OSBPL10: variants seen among roughly 807,000 people sequenced by gnomAD.
OSBPL10 encodes oxysterol binding protein like 10, also known as oxysterol-binding protein-related protein 10.
Under a neutral mutation model 81.7 loss-of-function variants are expected in OSBPL10, and 49 were observed. The observed-to-expected ratio is 0.60, with a 90% CI of 0.48 to 0.76. OSBPL10 has a LOEUF of 0.76. Among genes scored for constraint, OSBPL10 ranks in the 30% least tolerant of loss-of-function variants. The pLI is 0.00. For synonymous variants in OSBPL10, 419 were observed against 383.6 expected, an observed-to-expected ratio of 1.09 and a Z score of -1.08; for missense variants, 923 against 987.8, an observed-to-expected ratio of 0.93 and a Z score of 0.88.
intron 4 of OSBPL10, among the ~76,000 whole-genome samples, chr3:31,782,424 C>T (rs1559462572): frequency 6.6e-6 from 1 of 152,070 alleles, no homozygotes; most frequent in Admixed American, 6.6e-5. Context: ...GCAACAACAA[C>T]AAAAAGATAA....
intron 3 of OSBPL10, among the ~76,000 whole-genome samples, chr3:31,869,039 G>A (rs981986299): frequency 7.2e-5 from 11 of 152,204 alleles, no homozygotes; most frequent in Non-Finnish European, 7.3e-5. Context: ...CACCAAAGGT[G>A]GTCAGGAGTC....
At chr3:31,708,905 C>T in intron 6 of OSBPL10, 1 of 985,384 alleles carries the variant, frequency 1.0e-6, no homozygotes, top group Non-Finnish European at 1.2e-6. Context: ...CAGCTGGTGT[C>T]TGGTATAGCT....
At chr3:31,904,655 C>G (rs77049135) in intron 1 of OSBPL10, among the ~76,000 whole-genome samples, 1 of 152,178 alleles carries the variant, frequency 6.6e-6, no homozygotes, top group Non-Finnish European at 1.5e-5. Flanking sequence ...TAGGGTGACT[C>G]TGGGGCCACA....
chr3:31,754,409 G>A (rs1167108553), intron 4 of OSBPL10, among the ~76,000 whole-genome samples: 3 of 152,140 alleles, frequency 2.0e-5, no homozygotes, highest in Non-Finnish European at 4.4e-5. Context: ...GGAAGGAAGA[G>A]GGATCCAGCT....
intron 8 of OSBPL10, among the ~76,000 whole-genome samples, chr3:31,679,761 A>C (rs1700588167): frequency 6.6e-6 from 1 of 152,192 alleles, no homozygotes; most frequent in African/African-American, 2.4e-5. Context: ...ATTTTTTACC[A>C]ATATAAACCT....
chr3:31,871,989 A>G (rs994756311), intron 3 of OSBPL10, among the ~76,000 whole-genome samples: 1 of 152,242 alleles, frequency 6.6e-6, no homozygotes, highest in African/African-American at 2.4e-5. Flanking sequence ...CTCTCTCTCA[A>G]CACTTTCTCC....
At chr3:32,045,518 A>G (rs963931042) in intron 2 of OSBPL10, among the ~76,000 whole-genome samples, 1 of 152,230 alleles carries the variant, frequency 6.6e-6, no homozygotes, top group Non-Finnish European at 1.5e-5. Flanking sequence ...AGGAAATGAG[A>G]CAGGGTCGAT....
At chr3:32,046,171 G>A (rs368262923) in intron 2 of OSBPL10, among the ~76,000 whole-genome samples, 3 of 152,218 alleles carry the variant, frequency 2.0e-5, no homozygotes, top group Admixed American at 6.5e-5. Context: ...GGAGTTCAAG[G>A]TTGCACTGAG....
intron 1 of OSBPL10, among the ~76,000 whole-genome samples, chr3:31,904,225 C>T (rs1475702898): frequency 6.6e-6 from 1 of 152,130 alleles, no homozygotes; most frequent in African/African-American, 2.4e-5. Context: ...ACCTTTCCCA[C>T]GCATGAGATC....
intron 4 of OSBPL10, among the ~76,000 whole-genome samples, chr3:31,786,434 A>T (rs1162683000): frequency 6.6e-6 from 1 of 152,186 alleles, no homozygotes; most frequent in African/African-American, 2.4e-5. Context: ...AGACAGTAGA[A>T]ATTTACTTTC....
chr3:31,956,388 A>G (rs192428256), intron 1 of OSBPL10, among the ~76,000 whole-genome samples: 4 of 152,248 alleles, frequency 2.6e-5, no homozygotes, highest in Non-Finnish European at 2.9e-5. Flanking sequence ...AGCTTTCCAA[A>G]TGTTCCAGGT....
intron 7 of OSBPL10, among the ~76,000 whole-genome samples, chr3:31,692,419 T>A (rs1250411230): frequency 6.6e-6 from 1 of 152,126 alleles, no homozygotes; most frequent in African/African-American, 2.4e-5. Flanking sequence ...ATCAGTAACC[T>A]CATTTGGAGA....
At chr3:32,055,130 A>G (rs1699698384) in intron 1 of OSBPL10, among the ~76,000 whole-genome samples, 1 of 151,868 alleles carries the variant, frequency 6.6e-6, no homozygotes, top group Non-Finnish European at 1.5e-5. Flanking sequence ...TTTTTGCTTA[A>G]AACTTTGCTG....
rs190737085 is a variant in OSBPL10, at chr3:31,717,313, A to C, written c.1096-14805T>G. The stretch of plus-strand genomic sequence containing the variant: ...TGGATCATTATCTTCTGACTCTCAA[A>C]CCAGTGATTTGGTACCACAAGCAGA... On this transcript the variant is annotated intron_variant, in intron 6 of 11. Coordinates refer to ENST00000396556, the MANE Select transcript of OSBPL10 (RefSeq NM_017784.5). 1.8e-4 allele frequency: 28 copies of C among 152,220 alleles called. No homozygotes were observed. In the East Asian group the frequency reaches 5.4e-3, roughly 29 times the overall value. 9.4% of individuals were successfully genotyped at this position (152,220 alleles called of 1,614,324 possible).
At chr3:31,874,687 A>G (rs927946289) in intron 3 of OSBPL10, among the ~76,000 whole-genome samples, 1 of 152,198 alleles carries the variant, frequency 6.6e-6, no homozygotes, top group African/African-American at 2.4e-5. Flanking sequence ...TGTGAGAATG[A>G]AGAAACCTGA....
chr3:31,736,364 T>C (rs1337661079), intron 5 of OSBPL10, among the ~76,000 whole-genome samples: 1 of 152,178 alleles, frequency 6.6e-6, no homozygotes, highest in Non-Finnish European at 1.5e-5. Flanking sequence ...ATGTTATTTT[T>C]TAAAAGGTAA....
chr3:31,805,932 CTT>C (rs913922500), intron 4 of OSBPL10, among the ~76,000 whole-genome samples: 1 of 152,178 alleles, frequency 6.6e-6, no homozygotes, highest in African/African-American at 2.4e-5. Context: ...AAGCTCTACA[CTT>C]GTCTTTCTCT....
intron 1 of OSBPL10, among the ~76,000 whole-genome samples, chr3:31,966,567 C>T (rs538284949): frequency 2.3e-4 from 35 of 151,678 alleles, no homozygotes; most frequent in African/African-American, 6.5e-4. Context: ...AAAAGAAACA[C>T]GAACAAGTTA....
chr3:31,767,470 C>T (rs1470208733), intron 4 of OSBPL10, among the ~76,000 whole-genome samples: 1 of 152,210 alleles, frequency 6.6e-6, no homozygotes, highest in African/African-American at 2.4e-5. Flanking sequence ...CAGGTTACAT[C>T]TGCCTAGAAA....
Sources: allele counts gnomAD v4.1 joint callset (sites outside exome capture counted in the v4.1 genomes callset), GRCh38; gene constraint gnomAD v4.1.1; transcripts MANE v1.5; gene names NCBI Gene and HGNC (gene_info 2026-07-23, HGNC 2026-07-21).